The following ABCA3 variants were observed in gnomAD, a reference collection of about 807,000 sequenced individuals.
ABCA3 encodes ATP binding cassette subfamily A member 3.
Under a neutral mutation model 172.8 loss-of-function variants are expected in ABCA3, and 88 were observed. The ratio of observed to expected loss-of-function variants is 0.51; its 90% CI spans 0.43 to 0.61. ABCA3 has a LOEUF of 0.61. Ranked by LOEUF, ABCA3 falls within the 20% of genes least tolerant of loss-of-function variation. ABCA3 has a pLI of 0.00. For synonymous variants in ABCA3, 1,066 were observed against 983.8 expected (o/e 1.08, Z -1.56); for missense variants, 2,164 against 2,301.0 (o/e 0.94, Z 1.22).
At chr16:2,319,910 A>G (rs991124738) in intron 7 of ABCA3, 70 bp from the exon 8 acceptor site, 1 of 1,592,322 alleles carries the variant, frequency 6.3e-7, no homozygotes. Context: ...GGCCACGTGC[A>G]TGGGGTCCAT....
chr16:2,334,832 T>C (rs1383458261), intron 1 of ABCA3, among the ~76,000 whole-genome samples: 6 of 146,134 alleles, frequency 4.1e-5, no homozygotes, highest in African/African-American at 1.5e-4. Flanking sequence ...TATTAGTTCT[T>C]TTTTTTTTTT....
At chr16:2,323,491 C>G in intron 7 of ABCA3, 32 bp downstream of exon 7, 3 of 1,613,616 alleles carry the variant, frequency 1.9e-6, no homozygotes, top group Non-Finnish European at 2.5e-6. Context: ...ACAGCCCGGG[C>G]TGGTAACACG....
intron 7 of ABCA3, among the ~76,000 whole-genome samples, chr16:2,321,350 G>A (rs950818297): frequency 6.6e-6 from 1 of 152,194 alleles, no homozygotes; most frequent in Non-Finnish European, 1.5e-5. Flanking sequence ...TTGCCCTAGA[G>A]CATTAGCCTG....
chr16:2,289,575 C>G lies in ABCA3; in HGVS notation c.2559G>C (p.Gln853His), dbSNP rs769975282. Residue 853 changes from glutamine to histidine, a missense_variant, in exon 20 of 33, where the codon CAG becomes CAC. Coordinates refer to ENST00000301732, the MANE Select transcript of ABCA3 (RefSeq NM_001089.3). ...CGTGCTGGTACTGCAGGGCAGGGAG[C>G]TGGATGGCCTGGATGTCCATACTGC... ...VDSSMDIQAIQLPALQYQHER... is the reference protein window; with the variant it reads ...VDSSMDIQAIHLPALQYQHER... 3.2e-6 allele frequency: 5 copies of G among 1,555,830 alleles called. No homozygotes were observed. The highest frequency in any genetic ancestry group is 2.4e-5 in the East Asian group (1 of 41,960).
chr16:2,308,476 TG>T lies in ABCA3; in HGVS notation c.1258del (p.Gln420SerfsTer19). ...LSNVAMAMGA[Q>X]LIGKFEAKGM... ...TTTCGCCTCAAATTTCCCAATGAGC[TG>T]GGCTCCCATTGCCATGGCGACATTA... is the stretch of plus-strand genomic sequence containing the variant. On this transcript the variant is annotated frameshift_variant, in exon 11 of 33. Coordinates refer to ENST00000301732, the MANE Select transcript of ABCA3 (RefSeq NM_001089.3). LOFTEE classifies it high-confidence loss of function. 6.2e-7 allele frequency: 1 copy of T among 1,614,226 alleles called. No homozygotes were observed. Among genetic ancestry groups the T allele is most frequent in the Non-Finnish European group, 8.5e-7 (1 of 1,180,038 alleles).
In ABCA3 at chr16:2,286,976, C is replaced by T. The variant is rs572022787; in HGVS notation, c.3005-9G>A. 28 of 1,611,576 alleles carry T rather than the reference C, an allele frequency of 1.7e-5. No homozygotes were observed. The highest frequency in any genetic ancestry group is 2.3e-5 in the Non-Finnish European group (27 of 1,179,290). On this transcript the variant is annotated splice_polypyrimidine_tract_variant and intron_variant, in intron 21 of 32. Coordinates refer to ENST00000301732, the MANE Select transcript of ABCA3 (RefSeq NM_001089.3). The surrounding 1 kb of genome is among the most constrained non-coding windows in gnomAD (Gnocchi z 5.2). ...GAACTCCTCCAGGTCACCTGGGGAG[C>T]AATGGCAGAGTCAGGGGACACAGGA...
intron 18 of ABCA3, 31 bp downstream of exon 18, chr16:2,295,558 AT>A (rs1294908821): frequency 5.6e-6 from 9 of 1,607,608 alleles, no homozygotes; most frequent in Admixed American, 1.7e-5. Context: ...TCTTGGATGT[AT>A]ACCTGTGCGT....
chr16:2,293,174 C>T (rs946569520), intron 18 of ABCA3, among the ~76,000 whole-genome samples: 14 of 151,700 alleles, frequency 9.2e-5, no homozygotes, highest in Non-Finnish European at 1.9e-4. Context: ...GCCTCAACCT[C>T]CAGAGTAGCT....
chr16:2,309,977 A>C lies in ABCA3; in HGVS notation c.1112-1354T>G, dbSNP rs538473573. Among the ~76,000 whole-genome samples the C allele has an allele frequency of 3.3e-5, 5 of 152,230 alleles. No individual in the cohort carries two copies. The South Asian group carries it at 1.0e-3, about 32-fold the overall frequency. ...TCCTTAAAAATTATTAACGACACCA[A>C]AGGGCTTTTTAAATGTGGGTTATAT... On this transcript the variant is annotated intron_variant, in intron 10 of 32. Transcript: ENST00000301732.
intron 19 of ABCA3, among the ~76,000 whole-genome samples, chr16:2,291,422 T>C (rs2093671796): frequency 6.6e-6 from 1 of 151,562 alleles, no homozygotes; most frequent in Non-Finnish European, 1.5e-5. Flanking sequence ...AGTGCTGGGA[T>C]GACAGGCGTG....
At position 2,283,017 on chromosome 16, in the gene ABCA3, C is replaced by T. The variant is rs867832392; in HGVS notation, c.4035+169G>A. ...CCCTTGTGAGTGGCGAGGGCTGTGC[C>T]CCGCCCTGGCTGTAAGTGCCGGCTG... On this transcript the variant is annotated intron_variant, in intron 26 of 32. Transcript: ENST00000301732. This position sits in a 1 kb window ranked among gnomAD's most constrained non-coding sequence, Gnocchi z 5.4. 5.3e-5 allele frequency among the ~76,000 whole-genome samples: 8 copies of T among 152,192 alleles called. No individual in the cohort carries two copies. Among genetic ancestry groups the T allele is most frequent in the South Asian group, 2.1e-4 (1 of 4,834 alleles).
Position 2,281,401 on chromosome 16 carries a change from T to C in ABCA3, c.4144A>G (p.Ile1382Val). 1.2e-6 allele frequency: 2 copies of C among 1,613,706 alleles called. No homozygotes were observed. Among genetic ancestry groups the C allele is most frequent in the East Asian group, 2.2e-5 (1 of 44,888 alleles). Residue 1382 changes from isoleucine to valine, a missense_variant, in exon 27 of 33, where the codon ATT becomes GTT. By Grantham distance (29) the Ile-to-Val change is conservative. Coordinates refer to ENST00000301732, the MANE Select transcript of ABCA3 (RefSeq NM_001089.3). This position sits in a 1 kb window ranked among gnomAD's most constrained non-coding sequence, Gnocchi z 4.7. ...SPDSLLHTPL[I>V]IKELSKVYEQ... is the part of the protein sequence containing the mutation. ...GGTACCTTGGAGAGCTCCTTGATAA[T>C]CAGAGGTGTGTGGAGCAGGGAGTCC...
chr16:2,299,864 G>T lies in ABCA3; in HGVS notation c.1611+141C>A, dbSNP rs914080898. ...GGGAACCGGTTAGAGGGCAGCGGAG[G>T]GTTCCTGCCCTCCTTCAGGGCAGGA... On this transcript the variant is annotated intron_variant, in intron 13 of 32. Coordinates refer to ENST00000301732, the MANE Select transcript of ABCA3 (RefSeq NM_001089.3). The T allele has an allele frequency of 4.0e-6, 5 of 1,235,542 alleles. No homozygotes were observed. In the African/African-American group the frequency reaches 6.0e-5, roughly 15 times the overall value. The allele number at this position is 1,235,542 out of a possible 1,614,324, so 76.5% of individuals were successfully genotyped here. A position where few individuals can be genotyped will look rare whatever the true frequency, so the allele number is the denominator to read the frequency against.
At chr16:2,302,218 C>A (rs963618677) in intron 12 of ABCA3, among the ~76,000 whole-genome samples, 1 of 152,186 alleles carries the variant, frequency 6.6e-6, no homozygotes, top group African/African-American at 2.4e-5. Context: ...TTTCCCACTT[C>A]GCACCTCTAT....
rs2093651297 is a variant in ABCA3 at position 2,279,118 on chromosome 16, T to C, written c.4372A>G (p.Ile1458Val). 5.6e-6 allele frequency: 9 copies of C among 1,611,500 alleles called. No homozygotes were observed. Among genetic ancestry groups the C allele is most frequent in the Non-Finnish European group, 7.6e-6 (9 of 1,180,012 alleles). ...GCATCAAACTGCGGGCAGTAGCCGATCCGCTGCCGCACCTGGGGTCGGAGC... is the reference window on the plus strand; with the variant it reads ...GCATCAAACTGCGGGCAGTAGCCGACCCGCTGCCGCACCTGGGGTCGGAGC... ...SSDVGKVRQR[I>V]GYCPQFDALL... The change falls in exon 29 of 33, where the codon ATC becomes GTC. Residue 1458 changes from isoleucine to valine, a missense_variant. Around this residue, in one of 3 missense-constraint regions of ABCA3, gnomAD observed 795 missense variants for 881.9 expected, o/e 0.90. Transcript: ENST00000301732. The surrounding 1 kb of genome is among the most constrained non-coding windows in gnomAD (Gnocchi z 4.4).
Position 2,299,457 on chromosome 16 carries a change from C to T in ABCA3, c.1687G>A (p.Val563Ile), listed in dbSNP as rs570927625. ...CCGGCACCGTTGTGGCCCAGCAGGA[C>T]GGTGATCTGTCCCTCGTACAGGTTG... ...NLNLYEGQIT[V>I]LLGHNGAGKT... The change falls in exon 14 of 33, where the codon GTC becomes ATC. Residue 563 changes from valine (V) to isoleucine (I), a missense_variant. Around this residue, in one of 3 missense-constraint regions of ABCA3, gnomAD observed 1,343 missense variants for 1,369.6 expected, o/e 0.98. Coordinates refer to ENST00000301732, the MANE Select transcript of ABCA3 (RefSeq NM_001089.3). The T allele has an allele frequency of 2.6e-4, 417 of 1,613,890 alleles. 4 individuals are homozygous for T. In the South Asian group the frequency reaches 4.1e-3, roughly 16 times the overall value.
At chr16:2,322,529 C>T (rs1339629082) in intron 7 of ABCA3, among the ~76,000 whole-genome samples, 4 of 111,552 alleles carry the variant, frequency 3.6e-5, no homozygotes, top group African/African-American at 1.0e-4. Flanking sequence ...TCCCTCCCCC[C>T]GCCCCCCCAC....
chr16:2,286,637 G>A lies in ABCA3; in HGVS notation c.3278+57C>T, dbSNP rs1015939024. The A allele has an allele frequency of 2.7e-5, 44 of 1,607,248 alleles. No homozygotes were observed. The highest frequency in any genetic ancestry group is 3.3e-5 in the Non-Finnish European group (39 of 1,177,242). ...ATCTATGGGCCCGTGGCAGTGCCCA[G>A]GGCAGTCAGTCCTGGGGGCTCTGGC... is the stretch of plus-strand genomic sequence containing the variant. On this transcript the variant is annotated intron_variant, in intron 22 of 32. Transcript: ENST00000301732. This position sits in a 1 kb window ranked among gnomAD's most constrained non-coding sequence, Gnocchi z 5.2.
chr16:2,317,270 G>C lies in ABCA3; in HGVS notation c.1111+13C>G. On this transcript the variant is annotated intron_variant, in intron 10 of 32. Transcript: ENST00000301732. ...CCTTGGCAACCCCACTCTGCCCCAT[G>C]ACTGGGGCTCACCTTTGCTGAAGAA... 6.2e-7 allele frequency: 1 copy of C among 1,613,738 alleles called. No homozygotes were observed. Among genetic ancestry groups the C allele is most frequent in the Non-Finnish European group, 8.5e-7 (1 of 1,179,930 alleles).
Sources: gnomAD v4.1 joint callset for allele counts (sites outside exome capture counted in the v4.1 genomes callset) on GRCh38, gnomAD v4.1.1 for gene constraint, gnomAD v4.1.1 regional missense constraint, Gnocchi (gnomAD v3.1) non-coding constraint, MANE v1.5 for transcripts, NCBI Gene and HGNC (gene_info 2026-07-23, HGNC 2026-07-21) for gene names.